The following KCNJ3 variants were observed in gnomAD, a reference collection of about 807,000 sequenced individuals.
KCNJ3 encodes potassium inwardly rectifying channel subfamily J member 3.
KCNJ3 carries 4 observed loss-of-function variants against 39.2 expected under a neutral mutation model. The ratio of observed to expected loss-of-function variants is 0.10; its 90% confidence interval spans 0.05 to 0.23. The LOEUF (loss-of-function observed/expected upper bound fraction) is 0.23. KCNJ3 is among the 10% of genes least tolerant of loss of function. The pLI is 1.00. For missense variants in KCNJ3, 276 were observed against 634.9 expected, an observed-to-expected ratio of 0.43 and a Z score of 6.08; for synonymous variants, 230 against 237.4, an observed-to-expected ratio of 0.97 and a Z score of 0.29.
At chr2:154,743,313 T>C (rs539312665) in intron 2 of KCNJ3, among the ~76,000 whole-genome samples, 1 of 151,912 alleles carries the variant, frequency 6.6e-6, no homozygotes, top group Admixed American at 6.6e-5. Context: ...CTTCCATCAA[T>C]TGTTTTGGCT....
intron 2 of KCNJ3, among the ~76,000 whole-genome samples, chr2:154,716,961 G>A (rs1481912476): frequency 6.6e-6 from 1 of 152,196 alleles, no homozygotes. Flanking sequence ...ATAGTCCAGA[G>A]GGAAAAACGA....
Position 154,734,776 on chromosome 2 carries a change from G to A in KCNJ3, c.919+24957G>A, listed in dbSNP as rs1350240752. Among the ~76,000 whole-genome samples, 7 of 152,038 alleles carry A rather than the reference G, an allele frequency of 4.6e-5. No individual in the cohort carries two copies. The East Asian group carries it at 1.4e-3, about 29-fold the overall frequency. The stretch of plus-strand genomic sequence containing the variant: ...GAATGAAAAAAACATTGAGAGTGAG[G>A]TTTGATTTTATAGAGTTTTGAACCA... On this transcript the variant is annotated intron_variant, in intron 2 of 2. Coordinates refer to ENST00000295101, the MANE Select transcript of KCNJ3 (RefSeq NM_002239.4).
At chr2:154,719,862 G>A (rs1013505893) in intron 2 of KCNJ3, among the ~76,000 whole-genome samples, 1 of 152,090 alleles carries the variant, frequency 6.6e-6, no homozygotes. Flanking sequence ...TCCAGACAGA[G>A]TGAGTCTCTC....
At chr2:154,814,705 T>G (rs925435231) in intron 2 of KCNJ3, among the ~76,000 whole-genome samples, 3 of 152,166 alleles carry the variant, frequency 2.0e-5, no homozygotes, top group Non-Finnish European at 4.4e-5. Flanking sequence ...TCTCTCAATA[T>G]ATAAAATTTA....
intron 2 of KCNJ3, among the ~76,000 whole-genome samples, 199 bp downstream of exon 2, chr2:154,710,018 T>C (rs982996598): frequency 1.3e-5 from 2 of 152,178 alleles, no homozygotes; most frequent in Non-Finnish European, 2.9e-5. Context: ...GTTACATAGA[T>C]AATATTAACT....
chr2:154,757,024 C>T (rs759520965), intron 2 of KCNJ3, among the ~76,000 whole-genome samples: 9 of 151,814 alleles, frequency 5.9e-5, no homozygotes, highest in African/African-American at 2.2e-4. Context: ...GATAACTTCA[C>T]AATTCACTAG....
chr2:154,844,335 G>T (rs1463945058), intron 2 of KCNJ3, among the ~76,000 whole-genome samples: 1 of 152,182 alleles, frequency 6.6e-6, no homozygotes, highest in Non-Finnish European at 1.5e-5. Context: ...TCCCAGAGGG[G>T]CAACCGCCTA....
chr2:154,702,750 C>T (rs1338473491), intron 1 of KCNJ3, among the ~76,000 whole-genome samples: 1 of 151,882 alleles, frequency 6.6e-6, no homozygotes, highest in African/African-American at 2.4e-5. Context: ...TTTGAAGTTC[C>T]TCATTAAAAT....
intron 2 of KCNJ3, among the ~76,000 whole-genome samples, chr2:154,716,390 G>A (rs1685181793): frequency 6.7e-6 from 1 of 150,180 alleles, no homozygotes; most frequent in South Asian, 2.1e-4. Context: ...CTCCCAAAGT[G>A]CTGGGATTAC....
chr2:154,813,958 T>C (rs1558880869), intron 2 of KCNJ3, among the ~76,000 whole-genome samples: 1 of 152,202 alleles, frequency 6.6e-6, no homozygotes, highest in Non-Finnish European at 1.5e-5. Context: ...TCACAAGTTG[T>C]AGCCTTTAAA....
At chr2:154,797,606 G>A (rs1686744317) in intron 2 of KCNJ3, among the ~76,000 whole-genome samples, 1 of 151,836 alleles carries the variant, frequency 6.6e-6, no homozygotes, top group Non-Finnish European at 1.5e-5. Flanking sequence ...ATGTATATTG[G>A]TGTGATAAGG....
chr2:154,796,641 G>GT (rs5835545), intron 2 of KCNJ3, among the ~76,000 whole-genome samples: 72,336 of 151,386 alleles, frequency 0.48, 18,203 homozygotes, highest in Non-Finnish European at 0.57. Context: ...GTTTTAAAGG[G>GT]TTTTTTTTGT....
At chr2:154,763,681 T>C (rs1686083952) in intron 2 of KCNJ3, among the ~76,000 whole-genome samples, 1 of 152,156 alleles carries the variant, frequency 6.6e-6, no homozygotes, top group African/African-American at 2.4e-5. Flanking sequence ...AAGTATGATA[T>C]GGTAGGATCT....
chr2:154,836,230 A>AAAAAAAAC (rs1687460484), intron 2 of KCNJ3, among the ~76,000 whole-genome samples: 2 of 19,722 alleles, frequency 1.0e-4, no homozygotes, highest in Admixed American at 8.7e-4. Flanking sequence ...AAAAAAAAAC[A>AAAAAAAAC]AAAAAAAAAA....
At chr2:154,704,387 G>T (rs1368843041) in intron 1 of KCNJ3, among the ~76,000 whole-genome samples, 2 of 152,108 alleles carry the variant, frequency 1.3e-5, no homozygotes, top group Non-Finnish European at 2.9e-5. Flanking sequence ...TATTATAAAT[G>T]CCACAAAGGC....
intron 2 of KCNJ3, among the ~76,000 whole-genome samples, chr2:154,810,576 T>C (rs2591147): frequency 0.55 from 83,264 of 151,938 alleles, 23,211 homozygotes; most frequent in Middle Eastern, 0.62. Flanking sequence ...AGTAGAAGAA[T>C]GAAAAATAAA....
intron 2 of KCNJ3, among the ~76,000 whole-genome samples, chr2:154,776,445 C>T (rs1372149904): frequency 1.3e-5 from 2 of 151,990 alleles, no homozygotes; most frequent in Non-Finnish European, 2.9e-5. Context: ...CACAAAATCA[C>T]GTACACATAA....
intron 2 of KCNJ3, among the ~76,000 whole-genome samples, chr2:154,753,410 G>A (rs867721531): frequency 1.6e-4 from 24 of 152,068 alleles, no homozygotes; most frequent in Middle Eastern, 3.4e-3. Flanking sequence ...ATTTATTGTT[G>A]CCTTTATGCA....
At position 154,850,008 on chromosome 2, in the gene KCNJ3, CTTTTTTTTTTTTT is replaced by C. The variant is rs373062062; in HGVS notation, c.920-4695_920-4683del. 8.7e-3 allele frequency among the ~76,000 whole-genome samples: 426 copies of C among 48,866 alleles called. 8 individuals carry two copies. In the South Asian group the frequency reaches 0.16, roughly 18 times the overall value. The allele number at this position is 48,866 out of a possible 152,430, so 32.1% of individuals were successfully genotyped here. A position where few individuals can be genotyped will look rare whatever the true frequency, so the allele number is the denominator to read the frequency against. On this transcript the variant is annotated intron_variant, in intron 2 of 2. Coordinates refer to ENST00000295101, the MANE Select transcript of KCNJ3 (RefSeq NM_002239.4). ...TTGCAATGCAATGTACAGAATAAAT[CTTTTTTTTTTTTT>C]TTTTTTTTTTTTTTTTTTTTTTTAC...
Sources: gnomAD v4.1 joint callset for allele counts (sites outside exome capture counted in the v4.1 genomes callset) on GRCh38, gnomAD v4.1.1 for gene constraint, MANE v1.5 for transcripts, NCBI Gene and HGNC (gene_info 2026-07-23, HGNC 2026-07-21) for gene names.